FARS2: variants seen among roughly 807,000 people sequenced by gnomAD.
FARS2 encodes phenylalanyl-tRNA synthetase 2, mitochondrial.
Under a neutral mutation model 46.4 loss-of-function variants are expected in FARS2, and 40 were observed. The observed-to-expected ratio is 0.86, with a 90% CI of 0.67 to 1.12. FARS2 has a LOEUF of 1.12. Among genes scored for constraint, FARS2 ranks in the 50% most tolerant of loss-of-function variants. FARS2 has a pLI of 0.00. For synonymous variants in FARS2, 234 were observed against 214.9 expected (o/e 1.09, Z -0.78); for missense variants, 513 against 567.9 (o/e 0.90, Z 0.98).
chr6:5,761,682 TA>T (rs1312960064), intron 6 of FARS2, among the ~76,000 whole-genome samples: 3 of 151,938 alleles, frequency 2.0e-5, no homozygotes, highest in African/African-American at 7.3e-5. Context: ...GCTTTGGAAA[TA>T]TGTGCAAAAT....
At position 5,363,248 on chromosome 6, in the gene FARS2, T is replaced by A. The variant is rs80038892; in HGVS notation, c.-21-5302T>A. 4.2e-4 allele frequency among the ~76,000 whole-genome samples: 64 copies of A among 152,252 alleles called. 2 individuals carry two copies. The East Asian group carries it at 9.7e-3, about 23-fold the overall frequency. ...GCCCCTTTGCCCATTTTTAAGTTATTTGCTTTCTTGCTGTTGAGTTGCGTG... is the reference window on the plus strand; with the variant it reads ...GCCCCTTTGCCCATTTTTAAGTTATATGCTTTCTTGCTGTTGAGTTGCGTG... On this transcript the variant is annotated intron_variant, in intron 1 of 6. Coordinates refer to ENST00000274680, the MANE Select transcript of FARS2 (RefSeq NM_006567.5).
chr6:5,350,575 AG>A (rs146867686), intron 1 of FARS2, among the ~76,000 whole-genome samples: 1,677 of 152,282 alleles, frequency 0.011, 36 homozygotes, highest in African/African-American at 0.038. Flanking sequence ...AATTCAGTGG[AG>A]GAAGGCTACC....
At chr6:5,335,553 G>A (rs939790733) in intron 1 of FARS2, among the ~76,000 whole-genome samples, 4 of 151,874 alleles carry the variant, frequency 2.6e-5, no homozygotes, top group African/African-American at 9.7e-5. Flanking sequence ...TCTTTTTTTG[G>A]GAACAAATAT....
intron 5 of FARS2, among the ~76,000 whole-genome samples, chr6:5,577,004 C>A (rs114382341): frequency 1.3e-5 from 2 of 151,904 alleles, no homozygotes; most frequent in Non-Finnish European, 2.9e-5. Context: ...TAAGGGTATA[C>A]ACCTATATAA....
At chr6:5,379,089 C>T (rs1016464872) in intron 2 of FARS2, among the ~76,000 whole-genome samples, 1 of 152,224 alleles carries the variant, frequency 6.6e-6, no homozygotes, top group African/African-American at 2.4e-5. Flanking sequence ...CAGCAACTCA[C>T]TGCCTTGAAA....
intron 2 of FARS2, among the ~76,000 whole-genome samples, chr6:5,396,009 A>G (rs1332018233): frequency 6.6e-6 from 1 of 152,196 alleles, no homozygotes; most frequent in African/African-American, 2.4e-5. Flanking sequence ...CTAGTATTCT[A>G]TTAGGATAAC....
chr6:5,529,331 CAG>C (rs1417643986), intron 4 of FARS2, among the ~76,000 whole-genome samples: 2 of 152,000 alleles, frequency 1.3e-5, no homozygotes, highest in Admixed American at 1.3e-4. Flanking sequence ...TTTTTTGAGA[CAG>C]AGTCTCACTC....
intron 6 of FARS2, among the ~76,000 whole-genome samples, chr6:5,689,176 A>T (rs1757490040): frequency 6.6e-6 from 1 of 152,028 alleles, no homozygotes; most frequent in Non-Finnish European, 1.5e-5. Context: ...TGATTTTTTG[A>T]AGGGTTTTTT....
At chr6:5,696,854 C>A (rs1442121950) in intron 6 of FARS2, among the ~76,000 whole-genome samples, 2 of 152,118 alleles carry the variant, frequency 1.3e-5, no homozygotes, top group Admixed American at 1.3e-4. Context: ...CAAGAAGCAG[C>A]ATAAGTAAAT....
At chr6:5,375,743 A>G (rs1196656071) in intron 2 of FARS2, among the ~76,000 whole-genome samples, 1 of 152,102 alleles carries the variant, frequency 6.6e-6, no homozygotes, top group Non-Finnish European at 1.5e-5. Flanking sequence ...GATGGATTCT[A>G]CATTAATTGT....
intron 4 of FARS2, among the ~76,000 whole-genome samples, chr6:5,433,986 G>A (rs1226450377): frequency 6.6e-6 from 1 of 152,210 alleles, no homozygotes; most frequent in East Asian, 1.9e-4. Context: ...AGCCACGTTA[G>A]ATATTCTTGA....
intron 6 of FARS2, among the ~76,000 whole-genome samples, chr6:5,662,718 G>A (rs138552361): frequency 4.6e-5 from 7 of 152,326 alleles, no homozygotes; most frequent in Admixed American, 2.6e-4. Flanking sequence ...CGAGAAGCTA[G>A]CAAAGTAGAA....
At chr6:5,756,326 T>G (rs1283886376) in intron 6 of FARS2, among the ~76,000 whole-genome samples, 2 of 152,248 alleles carry the variant, frequency 1.3e-5, no homozygotes, top group Non-Finnish European at 2.9e-5. Context: ...ATTGTATTAG[T>G]TCATTCTCAC....
intron 6 of FARS2, among the ~76,000 whole-genome samples, chr6:5,618,998 C>G (rs191883343): frequency 1.6e-4 from 24 of 152,312 alleles, no homozygotes; most frequent in Non-Finnish European, 3.2e-4. Context: ...GTTCATGCAC[C>G]TTAAGGAATT....
chr6:5,763,404 A>G (rs1426824270), intron 6 of FARS2, among the ~76,000 whole-genome samples: 2 of 152,166 alleles, frequency 1.3e-5, no homozygotes, highest in Non-Finnish European at 2.9e-5. Flanking sequence ...GTGAGCCATC[A>G]TTGTGCCACT....
At chr6:5,499,709 T>G (rs1361516530) in intron 4 of FARS2, among the ~76,000 whole-genome samples, 2 of 152,212 alleles carry the variant, frequency 1.3e-5, no homozygotes, top group Admixed American at 6.5e-5. Flanking sequence ...TTCCTTTGGC[T>G]TGGTGATATC....
intron 5 of FARS2, among the ~76,000 whole-genome samples, chr6:5,565,922 A>G (rs1343303463): frequency 6.6e-6 from 1 of 152,204 alleles, no homozygotes; most frequent in Non-Finnish European, 1.5e-5. Context: ...CCCTTGCATT[A>G]GTTTATTAAT....
intron 6 of FARS2, among the ~76,000 whole-genome samples, chr6:5,770,401 T>C (rs769301940): frequency 3.7e-4 from 56 of 151,514 alleles, no homozygotes; most frequent in Middle Eastern, 3.4e-3. Flanking sequence ...TCTGTTGTTG[T>C]TGCTGCTGCT....
intron 1 of FARS2, among the ~76,000 whole-genome samples, chr6:5,278,736 T>C (rs1367889332): frequency 6.6e-6 from 1 of 152,130 alleles, no homozygotes; most frequent in Non-Finnish European, 1.5e-5. Flanking sequence ...TCTGAATTAA[T>C]TGGGTATGAG....
Sources: allele counts gnomAD v4.1 joint callset (sites outside exome capture counted in the v4.1 genomes callset), GRCh38; gene constraint gnomAD v4.1.1; transcripts MANE v1.5; gene names NCBI Gene and HGNC (gene_info 2026-07-23, HGNC 2026-07-21).